Variants in OSBPL8 observed in about 807,000 individuals in gnomAD.
OSBPL8 encodes the protein oxysterol-binding protein-related protein 8.
OSBPL8 carries 59 observed loss-of-function variants against 125.5 expected under a neutral mutation model. That is an observed-to-expected ratio of 0.47 (90% CI 0.38 to 0.58). The LOEUF (loss-of-function observed/expected upper bound fraction) is 0.58. Ranked by LOEUF, OSBPL8 falls within the 20% of genes least tolerant of loss-of-function variation. The pLI is 0.00. For synonymous variants in OSBPL8, 330 were observed against 338.9 expected (o/e 0.97, Z 0.29); for missense variants, 758 against 1,047.8 (o/e 0.72, Z 3.82).
chr12:76,465,964 C>G (rs893310039), intron 2 of OSBPL8, among the ~76,000 whole-genome samples: 7 of 151,930 alleles, frequency 4.6e-5, no homozygotes, highest in Admixed American at 1.3e-4. Flanking sequence ...CGAGATCACA[C>G]CACTGCACTA....
At chr12:76,533,855 A>C (rs115991656) in intron 1 of OSBPL8, among the ~76,000 whole-genome samples, 1,596 of 152,342 alleles carry the variant, frequency 0.01, 37 homozygotes, top group African/African-American at 0.037. Context: ...CAACATCTAT[A>C]GTCATTTCCA....
intron 2 of OSBPL8, among the ~76,000 whole-genome samples, chr12:76,485,388 A>G (rs994178574): frequency 6.6e-6 from 1 of 152,072 alleles, no homozygotes; most frequent in African/African-American, 2.4e-5. Flanking sequence ...CCTGACCAAC[A>G]TGGAGAAACC....
At position 76,384,290 on chromosome 12, in the gene OSBPL8, G is replaced by C. The variant is rs758080168; in HGVS notation, c.1594C>G (p.Leu532Val). ...GACTTAGCCAGGATACTACCGCTAA[G>C]GCAAAATCCATCTTTTCGATTACTA... is the stretch of plus-strand genomic sequence containing the variant. ...YVSNRKDGFC[L>V]SGSILAKSKF... Residue 532 changes from leucine (L) to valine (V), a missense_variant, in exon 15 of 24, where the codon CTT (leucine) becomes GTT (valine). Transcript: ENST00000261183. 4 of 1,569,522 alleles carry C rather than the reference G, an allele frequency of 2.5e-6. No individual in the cohort carries two copies. Among genetic ancestry groups the C allele is most frequent in the Non-Finnish European group, 3.5e-6 (4 of 1,151,276 alleles).
intron 4 of OSBPL8, among the ~76,000 whole-genome samples, chr12:76,431,764 G>C (rs756270843): frequency 6.6e-6 from 1 of 152,018 alleles, no homozygotes; most frequent in Non-Finnish European, 1.5e-5. Flanking sequence ...AACATGGAGA[G>C]ATATGAAGAA....
chr12:76,447,981 G>A (rs751338734), intron 4 of OSBPL8, among the ~76,000 whole-genome samples: 45 of 152,328 alleles, frequency 3.0e-4, no homozygotes, highest in Middle Eastern at 3.4e-3. Flanking sequence ...GCCTACTGTA[G>A]AAAGATTTGG....
intron 1 of OSBPL8, among the ~76,000 whole-genome samples, chr12:76,553,902 G>A (rs1358653656): frequency 2.7e-5 from 4 of 149,172 alleles, no homozygotes; most frequent in African/African-American, 7.4e-5. Context: ...ACTTGAAACC[G>A]GGAGGCAGAG....
chr12:76,395,878 A>T (rs1953771647), intron 8 of OSBPL8, among the ~76,000 whole-genome samples: 2 of 152,016 alleles, frequency 1.3e-5, no homozygotes, highest in African/African-American at 4.8e-5. Context: ...TTATATAATT[A>T]TACAGATTTC....
At chr12:76,410,487 T>C (rs563466528) in intron 5 of OSBPL8, 77 bp downstream of exon 5, 18 of 1,077,862 alleles carry the variant, frequency 1.7e-5, no homozygotes, top group African/African-American at 6.3e-5. Context: ...AAAAGCTTCA[T>C]AGGATTTCAG....
At chr12:76,408,978 C>T (rs1954392042) in intron 5 of OSBPL8, among the ~76,000 whole-genome samples, 1 of 151,328 alleles carries the variant, frequency 6.6e-6, no homozygotes, top group African/African-American at 2.5e-5. Flanking sequence ...GTATTAATTG[C>T]TTGAAAATAG....
intron 2 of OSBPL8, among the ~76,000 whole-genome samples, chr12:76,476,921 T>C (rs1379915031): frequency 6.6e-6 from 1 of 152,104 alleles, no homozygotes; most frequent in African/African-American, 2.4e-5. Context: ...AAGCAGACAT[T>C]CAACAAATAT....
At chr12:76,406,428 C>T (rs1230490306) in intron 5 of OSBPL8, among the ~76,000 whole-genome samples, 1 of 152,172 alleles carries the variant, frequency 6.6e-6, no homozygotes, top group East Asian at 1.9e-4. Context: ...TCAAAAACTC[C>T]TTATCCTTTT....
intron 1 of OSBPL8, among the ~76,000 whole-genome samples, chr12:76,509,726 GA>G (rs1880786747): frequency 6.6e-6 from 1 of 152,214 alleles, no homozygotes; most frequent in South Asian, 2.1e-4. Context: ...TGATGGACAA[GA>G]AGGAAGTGGA....
intron 3 of OSBPL8, 103 bp from the exon 4 acceptor site, chr12:76,451,091 G>A (rs1873349825): frequency 8.1e-7 from 1 of 1,237,062 alleles, no homozygotes; most frequent in Non-Finnish European, 1.1e-6. Context: ...GGCCTTGGTG[G>A]TTATATTCAT....
intron 1 of OSBPL8, among the ~76,000 whole-genome samples, chr12:76,555,590 G>A (rs956447355): frequency 6.6e-6 from 1 of 152,168 alleles, no homozygotes; most frequent in Non-Finnish European, 1.5e-5. Flanking sequence ...ATTGAGGTAG[G>A]CACATTCATA....
intron 4 of OSBPL8, among the ~76,000 whole-genome samples, chr12:76,447,807 A>T (rs1223566796): frequency 1.3e-5 from 2 of 152,180 alleles, no homozygotes; most frequent in Non-Finnish European, 2.9e-5. Flanking sequence ...TTGGCCTCCC[A>T]AAGTGCTGGG....
At chr12:76,487,000 T>C (rs965096229) in intron 2 of OSBPL8, among the ~76,000 whole-genome samples, 3 of 151,514 alleles carry the variant, frequency 2.0e-5, no homozygotes, top group Non-Finnish European at 2.9e-5. Context: ...TCCAACAAAC[T>C]TTAAGCTATT....
chr12:76,404,146 C>T (rs1954158949), intron 5 of OSBPL8, among the ~76,000 whole-genome samples: 1 of 152,044 alleles, frequency 6.6e-6, no homozygotes. Flanking sequence ...TTAATTACTC[C>T]AATGATGATG....
intron 4 of OSBPL8, among the ~76,000 whole-genome samples, chr12:76,422,252 C>T (rs942201071): frequency 6.6e-6 from 1 of 151,974 alleles, no homozygotes; most frequent in Admixed American, 6.6e-5. Context: ...CATAATATTT[C>T]TATAATTAAA....
intron 1 of OSBPL8, among the ~76,000 whole-genome samples, chr12:76,511,705 C>A (rs1465325620): frequency 6.6e-6 from 1 of 152,164 alleles, no homozygotes; most frequent in African/African-American, 2.4e-5. Flanking sequence ...GTTTCTTTTG[C>A]TGTGCAGAAG....
Sources: allele counts gnomAD v4.1 joint callset (sites outside exome capture counted in the v4.1 genomes callset), GRCh38; gene constraint gnomAD v4.1.1; transcripts MANE v1.5; gene names NCBI Gene and HGNC (gene_info 2026-07-23, HGNC 2026-07-21).